Variants in GIPC2 observed in about 807,000 individuals in gnomAD.
GIPC2 encodes PDZ domain-containing protein GIPC2.
Under a neutral mutation model 30.6 loss-of-function variants are expected in GIPC2, and 30 were observed. The ratio of observed to expected loss-of-function variants is 0.98; its 90% CI spans 0.73 to 1.33. The LOEUF (loss-of-function observed/expected upper bound fraction) is 1.33, where lower values mean the gene tolerates loss of function less well. GIPC2 is among the 40% of genes most tolerant of loss of function. The probability of loss-of-function intolerance (pLI) is 0.00; values close to 1 mark genes in which losing one functional copy is unlikely to be tolerated. For synonymous variants in GIPC2, 167 were observed against 150.0 expected, an observed-to-expected ratio of 1.11 and a Z score of -0.83; for missense variants, 414 against 390.3, an observed-to-expected ratio of 1.06 and a Z score of -0.51.
At chr1:78,129,496 G>A (rs892245925) in intron 5 of GIPC2, among the ~76,000 whole-genome samples, 31 of 152,202 alleles carry the variant, frequency 2.0e-4, no homozygotes, top group Non-Finnish European at 2.9e-4. Context: ...TGGCAACAAC[G>A]TGACTTAAAA....
chr1:78,060,706 T>C (rs1661374918), intron 1 of GIPC2, among the ~76,000 whole-genome samples: 1 of 152,202 alleles, frequency 6.6e-6, no homozygotes, highest in African/African-American at 2.4e-5. Flanking sequence ...GTAAGGTATA[T>C]AAATTGAATT....
At chr1:78,125,068 G>C (rs987210049) in intron 4 of GIPC2, among the ~76,000 whole-genome samples, 1 of 152,126 alleles carries the variant, frequency 6.6e-6, no homozygotes, top group Non-Finnish European at 1.5e-5. Flanking sequence ...GTCTTGTCCT[G>C]TTGCCGGGTT....
chr1:78,054,335 G>A (rs1661250004), intron 1 of GIPC2, among the ~76,000 whole-genome samples: 1 of 152,178 alleles, frequency 6.6e-6, no homozygotes, highest in South Asian at 2.1e-4. Context: ...AGATGGTTTA[G>A]CTGCTCCTTA....
At chr1:78,086,667 A>G (rs1478192804) in intron 2 of GIPC2, among the ~76,000 whole-genome samples, 1 of 151,972 alleles carries the variant, frequency 6.6e-6, no homozygotes, top group African/African-American at 2.4e-5. Context: ...GAACCCTTTT[A>G]CCATTATATA....
intron 4 of GIPC2, among the ~76,000 whole-genome samples, chr1:78,121,839 T>A (rs1036176392): frequency 1.6e-4 from 25 of 152,054 alleles, no homozygotes; most frequent in African/African-American, 5.8e-4. Flanking sequence ...CAAATCTCAG[T>A]GGAAGAAAGG....
At chr1:78,113,017 A>T (rs137873605) in intron 3 of GIPC2, among the ~76,000 whole-genome samples, 171 of 152,334 alleles carry the variant, frequency 1.1e-3, no homozygotes, top group African/African-American at 3.8e-3. Flanking sequence ...CATGAAAACT[A>T]AAAATCAATG....
At chr1:78,099,692 C>A (rs1346752144) in intron 3 of GIPC2, among the ~76,000 whole-genome samples, 1 of 152,010 alleles carries the variant, frequency 6.6e-6, no homozygotes, top group Admixed American at 6.6e-5. Flanking sequence ...CCCACCTCGG[C>A]CTCCCAAAGT....
At chr1:78,078,575 G>A (rs375913016) in intron 1 of GIPC2, among the ~76,000 whole-genome samples, 1 of 152,182 alleles carries the variant, frequency 6.6e-6, no homozygotes, top group South Asian at 2.1e-4. Context: ...GAGGAAGCAC[G>A]ATGGAAAAGG....
At chr1:78,069,243 G>A (rs980952427) in intron 1 of GIPC2, 4 of 249,872 alleles carry the variant, frequency 1.6e-5, no homozygotes, top group African/African-American at 9.3e-5. Flanking sequence ...CCCTGGGGCA[G>A]GAGATGGTTC....
chr1:78,125,863 C>G lies in GIPC2; in HGVS notation c.715-18C>G, dbSNP rs368288141. On this transcript the variant is annotated intron_variant, in intron 4 of 5. Transcript: ENST00000370759. The stretch of plus-strand genomic sequence containing the variant: ...GATTTTGTTGTATAATATCTTATTT[C>G]TCTCTTTTTTGATAAAGCCTTCTGA... The G allele has an allele frequency of 1.4e-5, 19 of 1,390,538 alleles. No individual in the cohort carries two copies. The highest frequency in any genetic ancestry group is 1.9e-5 in the Non-Finnish European group (19 of 977,718). The allele number at this position is 1,390,538 out of a possible 1,614,324, so 86.1% of individuals were successfully genotyped here. A position where few individuals can be genotyped will look rare whatever the true frequency, so the allele number is the denominator to read the frequency against.
At chr1:78,072,256 C>T (rs987715373) in intron 1 of GIPC2, among the ~76,000 whole-genome samples, 1 of 152,200 alleles carries the variant, frequency 6.6e-6, no homozygotes. Flanking sequence ...TCCTTGCTGA[C>T]CTTCCTCTCC....
At chr1:78,056,648 TAAAAC>T (rs1359437713) in intron 1 of GIPC2, among the ~76,000 whole-genome samples, 1 of 152,144 alleles carries the variant, frequency 6.6e-6, no homozygotes, top group African/African-American at 2.4e-5. Flanking sequence ...GAAAAGCACA[TAAAAC>T]AAATGTGTAA....
At chr1:78,048,533 C>A (rs999611713) in intron 1 of GIPC2, among the ~76,000 whole-genome samples, 1 of 151,842 alleles carries the variant, frequency 6.6e-6, no homozygotes, top group Non-Finnish European at 1.5e-5. Flanking sequence ...CTCAAGCAAT[C>A]CTCCTGCTTC....
intron 3 of GIPC2, chr1:78,112,574 G>A (rs749260264): frequency 7.7e-6 from 4 of 518,634 alleles, no homozygotes; most frequent in African/African-American, 3.9e-5. Context: ...ACAAGGCCTC[G>A]TTCTGTGCGG....
chr1:78,066,403 C>T (rs1460871849), intron 1 of GIPC2, among the ~76,000 whole-genome samples: 1 of 152,062 alleles, frequency 6.6e-6, no homozygotes, highest in African/African-American at 2.4e-5. Flanking sequence ...GGTAAGATTG[C>T]AGAGAAAAAG....
At chr1:78,071,474 GTTT>G (rs5775440) in intron 1 of GIPC2, among the ~76,000 whole-genome samples, 2 of 145,756 alleles carry the variant, frequency 1.4e-5, no homozygotes, top group African/African-American at 5.0e-5. Flanking sequence ...CTTCTAGAAG[GTTT>G]TTTTTTTTGC....
In GIPC2 at chr1:78,094,937, T is replaced by A. The variant is rs182786643; in HGVS notation, c.427-15T>A. 26 of 1,517,426 alleles carry A rather than the reference T, an allele frequency of 1.7e-5. No individual in the cohort carries two copies. The East Asian group carries it at 5.4e-4, about 32-fold the overall frequency. The allele number at this position is 1,517,426 out of a possible 1,614,324, so 94.0% of individuals were successfully genotyped here. A position where few individuals can be genotyped will look rare whatever the true frequency, so the allele number is the denominator to read the frequency against. On this transcript the variant is annotated splice_polypyrimidine_tract_variant and intron_variant, in intron 2 of 5. Transcript: ENST00000370759. ...AGTTCTATTTTATATTATGTTATCATCAATTTCCTTTCAGAGAATTAAAGA... is the reference window on the plus strand; with the variant it reads ...AGTTCTATTTTATATTATGTTATCAACAATTTCCTTTCAGAGAATTAAAGA...
At chr1:78,056,323 A>G (rs1365650671) in intron 1 of GIPC2, among the ~76,000 whole-genome samples, 2 of 152,036 alleles carry the variant, frequency 1.3e-5, no homozygotes, top group Non-Finnish European at 2.9e-5. Context: ...AAAAAATACA[A>G]ACAAATTAGC....
chr1:78,089,712 A>T (rs1268567727), intron 2 of GIPC2, among the ~76,000 whole-genome samples: 1 of 152,214 alleles, frequency 6.6e-6, no homozygotes, highest in Non-Finnish European at 1.5e-5. Context: ...TCTAAGTCTC[A>T]ACATTTCTAA....
Sources: allele counts gnomAD v4.1 joint callset (sites outside exome capture counted in the v4.1 genomes callset), GRCh38; gene constraint gnomAD v4.1.1; transcripts MANE v1.5; gene names NCBI Gene and HGNC (gene_info 2026-07-23, HGNC 2026-07-21).